The following FIRRM variants were observed in gnomAD, a reference collection of about 807,000 sequenced individuals.
FIRRM encodes FIGNL1-interacting regulator of recombination and mitosis.
the FIRRM span, chr1:169,802,835 A>G: frequency 3.1e-6 from 2 of 639,682 alleles, no homozygotes; most frequent in Non-Finnish European, 5.5e-6. Flanking sequence ...CTAATGTTGG[A>G]ATTAAATTTA....
the FIRRM span, among the ~76,000 whole-genome samples, chr1:169,814,634 G>T: frequency 6.6e-6 from 1 of 152,180 alleles, no homozygotes; most frequent in African/African-American, 2.4e-5. Flanking sequence ...TCCTGGAAGT[G>T]CTCCCGAGAA....
At chr1:169,800,093 G>A in the FIRRM span, among the ~76,000 whole-genome samples, 1 of 152,126 alleles carries the variant, frequency 6.6e-6, no homozygotes, top group South Asian at 2.1e-4. Context: ...GTAGTGGTGC[G>A]AACATAGCTA....
chr1:169,814,405 CTA>C, the FIRRM span, among the ~76,000 whole-genome samples: 1 of 152,106 alleles, frequency 6.6e-6, no homozygotes, highest in Non-Finnish European at 1.5e-5. Context: ...CCATTATTTT[CTA>C]TATATTCAGT....
chr1:169,830,297 G>A, the FIRRM span: 1 of 1,613,774 alleles, frequency 6.2e-7, no homozygotes, highest in East Asian at 2.2e-5. Flanking sequence ...GTGCTAATAT[G>A]ATCACCTCTT....
chr1:169,849,167 G>T, the FIRRM span, among the ~76,000 whole-genome samples: 1 of 152,200 alleles, frequency 6.6e-6, no homozygotes, highest in Non-Finnish European at 1.5e-5. Context: ...AGTTAGTGAA[G>T]TCCTCACCAA....
chr1:169,825,623 GTA>G, the FIRRM span, among the ~76,000 whole-genome samples: 5 of 152,280 alleles, frequency 3.3e-5, no homozygotes, highest in East Asian at 9.6e-4. Context: ...TGTTTTATTT[GTA>G]TATGTCTTTT....
chr1:169,809,215 CTCT>C, the FIRRM span, among the ~76,000 whole-genome samples: 10 of 152,158 alleles, frequency 6.6e-5, no homozygotes, highest in African/African-American at 2.4e-4. Context: ...CTTCTTGCTT[CTCT>C]TCTTTATCTC....
the FIRRM span, among the ~76,000 whole-genome samples, chr1:169,787,394 C>T: frequency 6.6e-6 from 1 of 152,174 alleles, no homozygotes; most frequent in East Asian, 1.9e-4. Flanking sequence ...TAGCAAGAAT[C>T]CCCACCTCAA....
chr1:169,837,136 T>C, the FIRRM span: 1 of 1,555,440 alleles, frequency 6.4e-7, no homozygotes, highest in East Asian at 2.3e-5. Flanking sequence ...TTTGATTTAT[T>C]TTATTCATTC....
the FIRRM span, chr1:169,829,299 G>T: frequency 1.9e-6 from 3 of 1,602,710 alleles, no homozygotes; most frequent in East Asian, 6.8e-5. Flanking sequence ...ACAGTTTTGA[G>T]CAGTGTTCTG....
the FIRRM span, chr1:169,853,786 A>C: frequency 6.2e-7 from 1 of 1,613,768 alleles, no homozygotes; most frequent in Non-Finnish European, 8.5e-7. Context: ...CAACAAAATA[A>C]AGCACACCAA....
chr1:169,844,291 G>T, the FIRRM span, among the ~76,000 whole-genome samples: 3 of 152,240 alleles, frequency 2.0e-5, no homozygotes, highest in Non-Finnish European at 2.9e-5. Flanking sequence ...TGGTGCCTCA[G>T]CTGTGCCTTT....
chr1:169,811,860 ATAGATAGAT>A, the FIRRM span, among the ~76,000 whole-genome samples: 6 of 151,674 alleles, frequency 4.0e-5, no homozygotes, highest in South Asian at 6.2e-4. Context: ...TAGATAATAG[ATAGATAGAT>A]TAGATAGATA....
chr1:169,793,674 T>C, the FIRRM span: 22 of 1,594,842 alleles, frequency 1.4e-5, no homozygotes, highest in Non-Finnish European at 1.8e-5. Context: ...TCTTCTATAG[T>C]GAAATTAAAC....
the FIRRM span, among the ~76,000 whole-genome samples, chr1:169,788,148 T>G: frequency 6.6e-6 from 1 of 152,210 alleles, no homozygotes; most frequent in Non-Finnish European, 1.5e-5. Flanking sequence ...ACTAAGTACA[T>G]GCAATTCTAT....
chr1:169,837,019 G>A, the FIRRM span: 1 of 1,613,784 alleles, frequency 6.2e-7, no homozygotes, highest in Non-Finnish European at 8.5e-7. Context: ...CTGAGCTTAG[G>A]GAACAAACTG....
the FIRRM span, chr1:169,847,673 G>C: frequency 6.5e-7 from 1 of 1,534,852 alleles, no homozygotes; most frequent in Non-Finnish European, 9.0e-7. Flanking sequence ...ACTGTTCTTT[G>C]GTCTTCACCT....
the FIRRM span, among the ~76,000 whole-genome samples, chr1:169,806,478 T>C: frequency 1.3e-5 from 2 of 152,240 alleles, no homozygotes; most frequent in Non-Finnish European, 2.9e-5. Context: ...TTTTAAGTTG[T>C]TCACACTTAA....
the FIRRM span, among the ~76,000 whole-genome samples, chr1:169,817,003 C>T: frequency 6.6e-6 from 1 of 152,018 alleles, no homozygotes; most frequent in South Asian, 2.1e-4. Flanking sequence ...ATTTTATTCA[C>T]AGTGATATAC....
Sources: allele counts gnomAD v4.1 joint callset (sites outside exome capture counted in the v4.1 genomes callset), GRCh38; gene constraint gnomAD v4.1.1; transcripts MANE v1.5; gene names NCBI Gene and HGNC (gene_info 2026-07-23, HGNC 2026-07-21).